The following TRAPPC8 variants were observed in gnomAD, a reference collection of about 807,000 sequenced individuals.
The protein encoded by TRAPPC8 is trafficking protein particle complex subunit 8.
In TRAPPC8, 54 loss-of-function variants were observed where a neutral mutation model predicts 174.3. The ratio of observed to expected loss-of-function variants is 0.31; its 90% CI spans 0.25 to 0.39. The LOEUF is 0.39. Ranked by LOEUF, TRAPPC8 falls within the 10% of genes least tolerant of loss-of-function variation. The pLI is 1.00. For missense variants in TRAPPC8, 1,531 were observed against 1,699.1 expected (o/e 0.90, Z 1.74); for synonymous variants, 630 against 579.9 (o/e 1.09, Z -1.24).
intron 9 of TRAPPC8, among the ~76,000 whole-genome samples, chr18:31,901,450 TTTATA>T (rs2036422258): frequency 1.3e-5 from 2 of 152,198 alleles, no homozygotes; most frequent in South Asian, 4.1e-4. Flanking sequence ...CTTTATTGTA[TTTATA>T]TTATTCTCTT....
At chr18:31,845,927 A>C (rs2033377902) in intron 26 of TRAPPC8, among the ~76,000 whole-genome samples, 1 of 152,244 alleles carries the variant, frequency 6.6e-6, no homozygotes, top group South Asian at 2.1e-4. Context: ...AGTAAGATTA[A>C]GTATTATTTT....
At chr18:31,870,886 A>C in intron 15 of TRAPPC8, 40 bp downstream of exon 15, 20 of 1,441,244 alleles carry the variant, frequency 1.4e-5, no homozygotes, top group Non-Finnish European at 1.9e-5. Context: ...GCTGTAAGTA[A>C]AACAAATAAA....
intron 21 of TRAPPC8, among the ~76,000 whole-genome samples, chr18:31,855,047 A>C (rs1325531826): frequency 6.6e-6 from 1 of 151,714 alleles, no homozygotes; most frequent in African/African-American, 2.4e-5. Flanking sequence ...TAAAAATACA[A>C]AAAAATGAGC....
In TRAPPC8 at chr18:31,830,503, T is replaced by C. The variant is rs1342389473; in HGVS notation, c.*252A>G. On this transcript the variant is annotated 3_prime_UTR_variant, in exon 29 of 29. Coordinates refer to ENST00000283351, the MANE Select transcript of TRAPPC8 (RefSeq NM_014939.5). ...TTTCTTAAGATGGGGCTTAATAAGG[T>C]GCACAAATATGCTGATATCCTGTAT... 4 of 436,886 alleles carry C rather than the reference T, an allele frequency of 9.2e-6. No homozygotes were observed. In the South Asian group the frequency reaches 1.5e-4, roughly 16 times the overall value. 27.1% of individuals were successfully genotyped at this position (436,886 alleles called of 1,614,324 possible). A position where few individuals can be genotyped will look rare whatever the true frequency, so the allele number is the denominator to read the frequency against.
chr18:31,852,323 C>A, intron 24 of TRAPPC8, 123 bp downstream of exon 24: 1 of 1,047,818 alleles, frequency 9.5e-7, no homozygotes, highest in South Asian at 1.5e-5. Flanking sequence ...GGAGACAGAG[C>A]AAGACCTTGT....
At chr18:31,877,968 AG>A (rs2035245781) in intron 12 of TRAPPC8, among the ~76,000 whole-genome samples, 1 of 151,516 alleles carries the variant, frequency 6.6e-6, no homozygotes, top group Non-Finnish European at 1.5e-5. Context: ...CTGGGCTTGC[AG>A]GAAGGGCAAG....
In TRAPPC8 at chr18:31,829,421, A is replaced by C. The variant is rs1006621957; in HGVS notation, c.*1334T>G. On this transcript the variant is annotated 3_prime_UTR_variant, in exon 29 of 29. Coordinates refer to ENST00000283351, the MANE Select transcript of TRAPPC8 (RefSeq NM_014939.5). Reference sequence around the variant, plus strand: ...TCTCAAGAAGGAAATGAGTGTCCTTAGAATGTGACCTTCCTCTCCAACTTG... The same window carrying C: ...TCTCAAGAAGGAAATGAGTGTCCTTCGAATGTGACCTTCCTCTCCAACTTG... The C allele has an allele frequency of 6.6e-6, 1 of 152,166 alleles. No homozygotes were observed. The highest frequency in any genetic ancestry group is 2.4e-5 in the African/African-American group (1 of 41,422). The allele number at this position is 152,166 out of a possible 1,614,324, so 9.4% of individuals were successfully genotyped here. A position where few individuals can be genotyped will look rare whatever the true frequency, so the allele number is the denominator to read the frequency against.
Position 31,915,591 on chromosome 18 carries a change from T to A in TRAPPC8, c.617+681A>T, listed in dbSNP as rs534051147. ...GCCTGGACAATATGGTGAAACCCTA[T>A]CTCTACTAAAAATACAAAAATGAAG... On this transcript the variant is annotated intron_variant, in intron 4 of 28. Coordinates refer to ENST00000283351, the MANE Select transcript of TRAPPC8 (RefSeq NM_014939.5). Among the ~76,000 whole-genome samples the A allele has an allele frequency of 6.7e-5, 10 of 150,350 alleles. No homozygotes were observed. The South Asian group carries it at 1.7e-3, about 25-fold the overall frequency.
At chr18:31,859,593 GATACCAT>G (rs1827718329) in intron 19 of TRAPPC8, among the ~76,000 whole-genome samples, 1 of 152,150 alleles carries the variant, frequency 6.6e-6, no homozygotes, top group Non-Finnish European at 1.5e-5. Flanking sequence ...GAGACACCTA[GATACCAT>G]CAAGAAGGTT....
At chr18:31,925,148 A>G (rs2037558367) in intron 2 of TRAPPC8, among the ~76,000 whole-genome samples, 1 of 152,166 alleles carries the variant, frequency 6.6e-6, no homozygotes, top group Admixed American at 6.6e-5. Flanking sequence ...TAATGCCTCA[A>G]TTTGAAATAG....
intron 3 of TRAPPC8, 60 bp from the exon 4 acceptor site, chr18:31,916,506 A>C: frequency 7.0e-7 from 1 of 1,432,296 alleles, no homozygotes; most frequent in Non-Finnish European, 9.3e-7. Context: ...ATATTGTCCT[A>C]CTGAGATAAA....
chr18:31,890,512 T>TA (rs1345265707), intron 12 of TRAPPC8, among the ~76,000 whole-genome samples: 1 of 152,132 alleles, frequency 6.6e-6, no homozygotes, highest in African/African-American at 2.4e-5. Flanking sequence ...ATTTTATAAA[T>TA]AAAAAAACCC....
At chr18:31,888,606 T>C (rs1432872551) in intron 12 of TRAPPC8, among the ~76,000 whole-genome samples, 3 of 152,228 alleles carry the variant, frequency 2.0e-5, no homozygotes, top group East Asian at 1.9e-4. Flanking sequence ...AAAGAGATCA[T>C]GTCCTTTGCA....
In TRAPPC8 at chr18:31,830,626, A is replaced by G; in HGVS notation, c.*129T>C. 1.4e-6 allele frequency: 1 copy of G among 728,980 alleles called. No individual in the cohort carries two copies. The highest frequency in any genetic ancestry group is 1.9e-5 in the South Asian group (1 of 51,288). The allele number at this position is 728,980 out of a possible 1,614,324, so 45.2% of individuals were successfully genotyped here. On this transcript the variant is annotated 3_prime_UTR_variant, in exon 29 of 29. Coordinates refer to ENST00000283351, the MANE Select transcript of TRAPPC8 (RefSeq NM_014939.5). ...TGCTTTGCATCATCAACAAAATGACAAGTCAAAGTATTTTGCAGGGATCAG... is the reference window on the plus strand; with the variant it reads ...TGCTTTGCATCATCAACAAAATGACGAGTCAAAGTATTTTGCAGGGATCAG...
Position 31,830,321 on chromosome 18 carries a change from T to C in TRAPPC8, c.*434A>G, listed in dbSNP as rs975278750. The C allele has an allele frequency of 6.5e-6, 1 of 154,530 alleles. No homozygotes were observed. The highest frequency in any genetic ancestry group is 1.4e-5 in the Non-Finnish European group (1 of 69,456). The allele number at this position is 154,530 out of a possible 1,614,324, so 9.6% of individuals were successfully genotyped here. A position where few individuals can be genotyped will look rare whatever the true frequency, so the allele number is the denominator to read the frequency against. ...ACTGTGTGAAGCAAGACAGGAAAATTTGTATTTAACACTCTATAGAACTTC... is the reference window on the plus strand; with the variant it reads ...ACTGTGTGAAGCAAGACAGGAAAATCTGTATTTAACACTCTATAGAACTTC... On this transcript the variant is annotated 3_prime_UTR_variant, in exon 29 of 29. Transcript: ENST00000283351.
At chr18:31,885,279 G>A (rs1419582553) in intron 12 of TRAPPC8, among the ~76,000 whole-genome samples, 2 of 152,104 alleles carry the variant, frequency 1.3e-5, no homozygotes, top group Non-Finnish European at 2.9e-5. Flanking sequence ...CAAACATACC[G>A]AATTTGAATC....
chr18:31,843,424 T>G (rs1405928692), intron 26 of TRAPPC8, among the ~76,000 whole-genome samples: 1 of 152,184 alleles, frequency 6.6e-6, no homozygotes, highest in African/African-American at 2.4e-5. Flanking sequence ...TGTTGTTACA[T>G]TGGTAAAATA....
intron 16 of TRAPPC8, among the ~76,000 whole-genome samples, chr18:31,868,121 G>GA (rs1216470583): frequency 1.3e-5 from 2 of 152,066 alleles, no homozygotes; most frequent in Non-Finnish European, 2.9e-5. Context: ...GGAGAGAAGG[G>GA]AAAAAGGCCT....
rs2032287734 is a variant in TRAPPC8 at position 31,830,389 on chromosome 18, A to C, written c.*366T>G. 1 of 182,134 alleles carries C rather than the reference A, an allele frequency of 5.5e-6. No homozygotes were observed. Among genetic ancestry groups the C allele is most frequent in the Non-Finnish European group, 1.1e-5 (1 of 87,186 alleles). The allele number at this position is 182,134 out of a possible 1,614,324, so 11.3% of individuals were successfully genotyped here. A position where few individuals can be genotyped will look rare whatever the true frequency, so the allele number is the denominator to read the frequency against. On this transcript the variant is annotated 3_prime_UTR_variant, in exon 29 of 29. Transcript: ENST00000283351. Reference sequence around the variant, plus strand: ...TAGAGACTAATGGCTTAACAGGAGTACTGCCAACAAGGCCTTTCCTTTCTC... The same window carrying C: ...TAGAGACTAATGGCTTAACAGGAGTCCTGCCAACAAGGCCTTTCCTTTCTC...
Sources: gnomAD v4.1 joint callset for allele counts (sites outside exome capture counted in the v4.1 genomes callset) on GRCh38, gnomAD v4.1.1 for gene constraint, MANE v1.5 for transcripts, NCBI Gene and HGNC (gene_info 2026-07-23, HGNC 2026-07-21) for gene names.